FCRL6: variants seen among roughly 807,000 people sequenced by gnomAD.
FCRL6 encodes Fc receptor-like protein 6.
FCRL6 carries 50 observed loss-of-function variants against 49.1 expected under a neutral mutation model. The observed-to-expected ratio is 1.02, with a 90% confidence interval of 0.81 to 1.29. The LOEUF (loss-of-function observed/expected upper bound fraction) is 1.29. Among genes scored for constraint, FCRL6 ranks in the 50% most tolerant of loss-of-function variants. The probability of loss-of-function intolerance (pLI) is 0.00; values close to 1 mark genes in which losing one functional copy is unlikely to be tolerated. For missense variants in FCRL6, 571 were observed against 518.5 expected (o/e 1.10, Z -0.98); for synonymous variants, 213 against 199.6 (o/e 1.07, Z -0.57).
At chr1:159,813,594 C>A (rs199970454) in intron 7 of FCRL6, 40 bp downstream of exon 7, 2 of 1,559,246 alleles carry the variant, frequency 1.3e-6, no homozygotes, top group Non-Finnish European at 1.8e-6. Flanking sequence ...CCCATGTGGG[C>A]CAAAAAGAGC....
chr1:159,806,586 T>C lies in FCRL6; in HGVS notation c.32-10T>C. The C allele has an allele frequency of 6.2e-7, 1 of 1,613,186 alleles. No homozygotes were observed. The highest frequency in any genetic ancestry group is 8.5e-7 in the Non-Finnish European group (1 of 1,179,094). ...ACTTAACCTAATTGTGTTACTTTGT[T>C]CTCTTGCAGTTCCCTGTGTTGGGAA... On this transcript the variant is annotated splice_polypyrimidine_tract_variant and intron_variant, in intron 1 of 9. Coordinates refer to ENST00000368106, the MANE Select transcript of FCRL6 (RefSeq NM_001004310.3).
At chr1:159,807,530 G>A (rs1180360210) in intron 2 of FCRL6, among the ~76,000 whole-genome samples, 2 of 152,220 alleles carry the variant, frequency 1.3e-5, no homozygotes, top group Non-Finnish European at 2.9e-5. Context: ...TAGAGACAGA[G>A]AGAACAGATC....
upstream of FCRL6, chr1:159,800,749 G>A: frequency 2.7e-6 from 2 of 742,756 alleles, no homozygotes; most frequent in South Asian, 3.3e-5. Flanking sequence ...GACAATCTAG[G>A]GCAAGAAAAC....
At chr1:159,813,652 G>A in intron 7 of FCRL6, 98 bp downstream of exon 7, 1 of 1,031,032 alleles carries the variant, frequency 9.7e-7, no homozygotes, top group Non-Finnish European at 1.5e-6. Flanking sequence ...TGTATCTCAG[G>A]AATTGGAGTG....
intron 7 of FCRL6, among the ~76,000 whole-genome samples, 183 bp downstream of exon 7, chr1:159,813,737 G>A (rs1663222388): frequency 6.6e-6 from 1 of 152,218 alleles, no homozygotes; most frequent in East Asian, 1.9e-4. Flanking sequence ...GGTGGGAGAA[G>A]GGGGTGGGAA....
intron 1 of FCRL6, among the ~76,000 whole-genome samples, chr1:159,804,115 C>T (rs1276832565): frequency 5.9e-5 from 9 of 152,160 alleles, no homozygotes; most frequent in Admixed American, 5.9e-4. Flanking sequence ...GGCTGCTCCC[C>T]GCATTCTCAC....
chr1:159,810,220 A>G lies in FCRL6; in HGVS notation c.1009+4A>G. On this transcript the variant is annotated splice_donor_region_variant and intron_variant, in intron 6 of 9. Transcript: ENST00000368106. ...GTGAGATCCTGGAGAAAAGCTGGTCAGTAACTCCTCTTGGCTTTCTTAGCT... is the reference window on the plus strand; with the variant it reads ...GTGAGATCCTGGAGAAAAGCTGGTCGGTAACTCCTCTTGGCTTTCTTAGCT... The G allele has an allele frequency of 1.9e-6, 3 of 1,611,176 alleles. No homozygotes were observed. The East Asian group carries it at 6.7e-5, about 36-fold the overall frequency.
Position 159,814,204 on chromosome 1 carries a change from C to G in FCRL6, c.1076-17C>G, listed in dbSNP as rs771723502. ...AGAGTCAGGAGGATCCTATTTAAGC[C>G]TCATTCCTTCTTCCAGTGCATCACC... is the stretch of plus-strand genomic sequence containing the variant. On this transcript the variant is annotated splice_polypyrimidine_tract_variant and intron_variant, in intron 7 of 9. Coordinates refer to ENST00000368106, the MANE Select transcript of FCRL6 (RefSeq NM_001004310.3). The G allele has an allele frequency of 6.2e-7, 1 of 1,612,236 alleles. No individual in the cohort carries two copies. The highest frequency in any genetic ancestry group is 8.5e-7 in the Non-Finnish European group (1 of 1,178,288).
Position 159,816,226 on chromosome 1 carries a change from GATA to G in FCRL6, c.*570_*572del, listed in dbSNP as rs1663394157. ...TGTACAGTACACTATACTTGATAATGATAATAAACAACTATGTTACTGGTTTAT... is the reference window on the plus strand; with the variant it reads ...TGTACAGTACACTATACTTGATAATGATAAACAACTATGTTACTGGTTTAT... On this transcript the variant is annotated 3_prime_UTR_variant, in exon 10 of 10. Coordinates refer to ENST00000368106, the MANE Select transcript of FCRL6 (RefSeq NM_001004310.3). 6.5e-6 allele frequency: 1 copy of G among 152,674 alleles called. No individual in the cohort carries two copies. Among genetic ancestry groups the G allele is most frequent in the South Asian group, 2.1e-4 (1 of 4,862 alleles). The allele number at this position is 152,674 out of a possible 1,614,324, so 9.5% of individuals were successfully genotyped here. A position where few individuals can be genotyped will look rare whatever the true frequency, so the allele number is the denominator to read the frequency against.
Position 159,802,581 on chromosome 1 carries a change from T to G in FCRL6, c.31+126T>G, listed in dbSNP as rs1157603128. 1.3e-5 allele frequency: 11 copies of G among 818,042 alleles called. No homozygotes were observed. In the South Asian group the frequency reaches 1.7e-4, roughly 12 times the overall value. 50.7% of individuals were successfully genotyped at this position (818,042 alleles called of 1,614,324 possible). A position where few individuals can be genotyped will look rare whatever the true frequency, so the allele number is the denominator to read the frequency against. ...GTTTGTGGCTGGAGCTCAAGACAGG[T>G]GTGTGCACCTGGGCATGCTTGGGAG... On this transcript the variant is annotated intron_variant, in intron 1 of 9. Transcript: ENST00000368106.
chr1:159,805,224 C>T (rs571956767), intron 1 of FCRL6, among the ~76,000 whole-genome samples: 1 of 152,172 alleles, frequency 6.6e-6, no homozygotes, highest in Non-Finnish European at 1.5e-5. Context: ...CTGAGCTGAC[C>T]CTGAGCTGAA....
chr1:159,813,773 G>A (rs917387225), intron 7 of FCRL6, among the ~76,000 whole-genome samples: 10 of 152,200 alleles, frequency 6.6e-5, no homozygotes, highest in Non-Finnish European at 1.3e-4. Flanking sequence ...AGGAGACGGG[G>A]CAGGGAAGGT....
At chr1:159,804,638 G>C (rs1464722279) in intron 1 of FCRL6, among the ~76,000 whole-genome samples, 2 of 152,218 alleles carry the variant, frequency 1.3e-5, no homozygotes, top group Non-Finnish European at 2.9e-5. Context: ...TTTGATTGCA[G>C]AAACCAATTT....
intron 6 of FCRL6, among the ~76,000 whole-genome samples, chr1:159,811,287 G>A (rs940819224): frequency 6.6e-6 from 1 of 152,178 alleles, no homozygotes; most frequent in Non-Finnish European, 1.5e-5. Context: ...ATGATTCCTA[G>A]TGCTTCAAAT....
Position 159,815,769 on chromosome 1 carries a change from G to T in FCRL6, c.*108G>T. 1 of 1,379,622 alleles carries T rather than the reference G, an allele frequency of 7.2e-7. No individual in the cohort carries two copies. Among genetic ancestry groups the T allele is most frequent in the South Asian group, 1.3e-5 (1 of 79,228 alleles). The allele number at this position is 1,379,622 out of a possible 1,614,324, so 85.5% of individuals were successfully genotyped here. Reference sequence around the variant, plus strand: ...GTGGGTCCTTCAGTTCCCAAGCCCAGCATCACAGAGCCCCCTGAGCCCTTG... The same window carrying T: ...GTGGGTCCTTCAGTTCCCAAGCCCATCATCACAGAGCCCCCTGAGCCCTTG... On this transcript the variant is annotated 3_prime_UTR_variant, in exon 10 of 10. Coordinates refer to ENST00000368106, the MANE Select transcript of FCRL6 (RefSeq NM_001004310.3).
At chr1:159,806,692 G>C in intron 2 of FCRL6, 76 bp downstream of exon 2, 1 of 1,446,100 alleles carries the variant, frequency 6.9e-7, no homozygotes, top group Non-Finnish European at 9.7e-7. Flanking sequence ...ACAGGACAGT[G>C]CCATGGGGTC....
upstream of FCRL6, among the ~76,000 whole-genome samples, chr1:159,801,510 A>G (rs983657325): frequency 4.6e-5 from 7 of 152,182 alleles, no homozygotes; most frequent in Non-Finnish European, 8.8e-5. Flanking sequence ...GTGTAGTGGT[A>G]TCTTATTATG....
chr1:159,802,473 G>A lies in FCRL6; in HGVS notation c.31+18G>A, dbSNP rs544872049. 2 of 1,610,760 alleles carry A rather than the reference G, an allele frequency of 1.2e-6. No individual in the cohort carries two copies. The highest frequency in any genetic ancestry group is 1.1e-5 in the South Asian group (1 of 90,774). ...GCTCTTTGGTAAGTCAACGAGCATG[G>A]GCATCCCCTCTTGGAGCACTAAGGA... On this transcript the variant is annotated intron_variant, in intron 1 of 9. Coordinates refer to ENST00000368106, the MANE Select transcript of FCRL6 (RefSeq NM_001004310.3).
chr1:159,809,842 G>A (rs898605988), intron 5 of FCRL6, among the ~76,000 whole-genome samples, 159 bp downstream of exon 5: 3 of 152,142 alleles, frequency 2.0e-5, no homozygotes, highest in African/African-American at 7.2e-5. Flanking sequence ...TGTCCACTGA[G>A]CCTGGCAGAG....
Sources: allele counts gnomAD v4.1 joint callset (sites outside exome capture counted in the v4.1 genomes callset), GRCh38; gene constraint gnomAD v4.1.1; transcripts MANE v1.5; gene names NCBI Gene and HGNC (gene_info 2026-07-23, HGNC 2026-07-21).